PCDHGB2: variants seen among roughly 807,000 people sequenced by gnomAD.
PCDHGB2 encodes the protein protocadherin gamma-B2.
PCDHGB2 carries 55 observed loss-of-function variants against 59.3 expected under a neutral mutation model. The observed-to-expected ratio is 0.93, with a 90% CI of 0.75 to 1.16. The LOEUF is 1.16. Ranked by LOEUF, PCDHGB2 falls within the 50% of genes most tolerant of loss-of-function variation. PCDHGB2 has a pLI of 0.00. For missense variants in PCDHGB2, 1,228 were observed against 1,198.5 expected, an observed-to-expected ratio of 1.02 and a Z score of -0.36; for synonymous variants, 516 against 512.0, an observed-to-expected ratio of 1.01 and a Z score of -0.11.
chr5:141,371,814 G>C (rs1020682392), intron 1 of PCDHGB2: 4 of 1,613,892 alleles, frequency 2.5e-6, no homozygotes, highest in Middle Eastern at 1.6e-4. Context: ...CATTGCGCAT[G>C]TCAGAGCCTC....
chr5:141,430,509 G>T, intron 1 of PCDHGB2: 1 of 328,564 alleles, frequency 3.0e-6, no homozygotes. Flanking sequence ...GGGAGTTCAA[G>T]ATTGTGCAGT....
intron 2 of PCDHGB2, among the ~76,000 whole-genome samples, chr5:141,501,984 G>A (rs989251578): frequency 2.0e-5 from 3 of 152,042 alleles, no homozygotes; most frequent in African/African-American, 4.8e-5. Context: ...ATCTGGTCCC[G>A]TTGTCTCCCT....
At chr5:141,374,338 C>T in intron 1 of PCDHGB2, 1 of 1,613,994 alleles carries the variant, frequency 6.2e-7, no homozygotes, top group Non-Finnish European at 8.5e-7. Context: ...GCAGCTTGGT[C>T]ACCGCGGGTA....
At position 141,512,951 on chromosome 5, in the gene PCDHGB2, AATAAT is replaced by A. The variant is rs1231390259; in HGVS notation, c.*1780_*1784del. 2.1e-5 allele frequency: 3 copies of A among 141,994 alleles called. No homozygotes were observed. Among genetic ancestry groups the A allele is most frequent in the Non-Finnish European group, 4.8e-5 (3 of 62,372 alleles). The allele number at this position is 141,994 out of a possible 1,614,324, so 8.8% of individuals were successfully genotyped here. A position where few individuals can be genotyped will look rare whatever the true frequency, so the allele number is the denominator to read the frequency against. On this transcript the variant is annotated 3_prime_UTR_variant, in exon 4 of 4. Coordinates refer to ENST00000522605, the MANE Select transcript of PCDHGB2 (RefSeq NM_018923.3). ...TATGGCTTTTTTTCTTCGACAAAAAAATAATAAAACGTTTCTTCTGAAAAGCTGAA... is the reference window on the plus strand; with the variant it reads ...TATGGCTTTTTTTCTTCGACAAAAAAAAAACGTTTCTTCTGAAAAGCTGAA...
chr5:141,408,870 G>A (rs780987841), intron 1 of PCDHGB2: 1 of 1,613,656 alleles, frequency 6.2e-7, no homozygotes, highest in South Asian at 1.1e-5. Context: ...CCACCAAGAA[G>A]TGCCACCGCT....
chr5:141,431,397 C>A lies in PCDHGB2; in HGVS notation c.2422-63410C>A. ...AAGGCTGCTCACCACCTGGTCCTTA[C>A]GGCCTCCGACGGGGGCGACCCGGTG... On this transcript the variant is annotated intron_variant, in intron 1 of 3. Coordinates refer to ENST00000522605, the MANE Select transcript of PCDHGB2 (RefSeq NM_018923.3). The surrounding 1 kb of genome is among the most constrained non-coding windows in gnomAD (Gnocchi z 4.8). 3.1e-6 allele frequency: 5 copies of A among 1,613,782 alleles called. No individual in the cohort carries two copies. Among genetic ancestry groups the A allele is most frequent in the Non-Finnish European group, 4.2e-6 (5 of 1,180,034 alleles).
At chr5:141,484,931 A>ACGTT (rs1464416110) in intron 1 of PCDHGB2, 2 of 498,000 alleles carry the variant, frequency 4.0e-6, no homozygotes, top group Non-Finnish European at 7.2e-6. Flanking sequence ...TGCTGTTGGG[A>ACGTT]CGTTCTCTGC....
rs1258752203 is a variant in PCDHGB2, at chr5:141,431,160, G to C, written c.2422-63647G>C. On this transcript the variant is annotated intron_variant, in intron 1 of 3. Coordinates refer to ENST00000522605, the MANE Select transcript of PCDHGB2 (RefSeq NM_018923.3). The surrounding 1 kb of genome is among the most constrained non-coding windows in gnomAD (Gnocchi z 4.8). ...ATTAACGACAATGCGCCTTACTTTC[G>C]TGAAAGTGAATTAGAAATAAAAATT... is the stretch of plus-strand genomic sequence containing the variant. The C allele has an allele frequency of 6.2e-7, 1 of 1,614,198 alleles. No homozygotes were observed. Among genetic ancestry groups the C allele is most frequent in the South Asian group, 1.1e-5 (1 of 91,084 alleles).
chr5:141,372,572 C>A (rs1199574805), intron 1 of PCDHGB2: 2 of 1,613,940 alleles, frequency 1.2e-6, no homozygotes, highest in Admixed American at 1.7e-5. Context: ...CTGAGGGCTA[C>A]TTTCAGCCTG....
chr5:141,459,617 A>G (rs900986636), intron 1 of PCDHGB2, among the ~76,000 whole-genome samples: 2 of 152,258 alleles, frequency 1.3e-5, no homozygotes, highest in African/African-American at 2.4e-5. Flanking sequence ...GCTTAACTTT[A>G]TAAGAAGCTG....
At chr5:141,467,337 G>A (rs1018807977) in intron 1 of PCDHGB2, among the ~76,000 whole-genome samples, 1 of 152,162 alleles carries the variant, frequency 6.6e-6, no homozygotes, top group Admixed American at 6.6e-5. Flanking sequence ...AGAGACGTAA[G>A]CCACTGCCCC....
intron 1 of PCDHGB2, chr5:141,384,793 C>T (rs1780512284): frequency 1.9e-6 from 3 of 1,613,400 alleles, no homozygotes; most frequent in Non-Finnish European, 2.5e-6. Flanking sequence ...GGCTCGGGCC[C>T]TGCTGGACAG....
intron 1 of PCDHGB2, among the ~76,000 whole-genome samples, chr5:141,434,021 C>A (rs1023145172): frequency 2.0e-5 from 3 of 152,052 alleles, no homozygotes; most frequent in Admixed American, 2.0e-4. Context: ...TTCTATGATT[C>A]TGGAAGCATG....
intron 1 of PCDHGB2, among the ~76,000 whole-genome samples, chr5:141,447,279 A>G (rs1394174534): frequency 1.3e-5 from 2 of 152,156 alleles, no homozygotes; most frequent in African/African-American, 4.8e-5. Flanking sequence ...AGCTGGGACT[A>G]CAGGCACATG....
intron 1 of PCDHGB2, chr5:141,400,414 C>G: frequency 6.2e-7 from 1 of 1,614,058 alleles, no homozygotes; most frequent in African/African-American, 1.3e-5. Flanking sequence ...GTTTAATTTC[C>G]TAAAATGTAG....
intron 1 of PCDHGB2, chr5:141,414,780 G>A (rs2095787223): frequency 1.2e-6 from 2 of 1,614,232 alleles, no homozygotes; most frequent in Non-Finnish European, 1.7e-6. Context: ...TACAGATGCA[G>A]GTGACAGCCA....
At chr5:141,393,970 C>T (rs746781669) in intron 1 of PCDHGB2, 5 of 1,613,870 alleles carry the variant, frequency 3.1e-6, no homozygotes, top group Middle Eastern at 3.3e-4. Flanking sequence ...GTCTGTTACA[C>T]ACGTGATAAT....
chr5:141,362,273 T>G lies in PCDHGB2; in HGVS notation c.2138T>G (p.Leu713Arg), dbSNP rs1762411224. The G allele has an allele frequency of 1.2e-6, 2 of 1,613,954 alleles. No individual in the cohort carries two copies. Among genetic ancestry groups the G allele is most frequent in the Non-Finnish European group, 8.5e-7 (1 of 1,179,922 alleles). ...FFLAVILAISLRLRLSSRSDA... is the reference protein window; with the variant it reads ...FFLAVILAISRRLRLSSRSDA... Reference sequence around the variant, plus strand: ...CTCGCGGTGATTCTGGCAATCTCCCTGCGCCTGCGACTCTCTTCCAGGTCA... The same window carrying G: ...CTCGCGGTGATTCTGGCAATCTCCCGGCGCCTGCGACTCTCTTCCAGGTCA... The change falls in exon 1 of 4, where the codon CTG becomes CGG. Residue 713 changes from leucine (L) to arginine (R), a missense_variant. This residue lies in a region of PCDHGB2 where 433 missense variants were observed against 441.8 expected (regional missense o/e 0.98). Transcript: ENST00000522605.
chr5:141,361,833 G>A lies in PCDHGB2; in HGVS notation c.1698G>A (p.Ala566=), dbSNP rs376471858. ...NDNAPRVLYP[A]LGPDGSALFD... ...ATGCGCCACGGGTGCTGTACCCCGC[G>A]CTGGGGCCTGATGGCTCCGCCCTCT... is the stretch of plus-strand genomic sequence containing the variant. The change falls in exon 1 of 4, where the codon GCG becomes GCA. Residue 566 remains alanine (A), a synonymous_variant. Coordinates refer to ENST00000522605, the MANE Select transcript of PCDHGB2 (RefSeq NM_018923.3). 207 of 1,612,780 alleles carry A rather than the reference G, an allele frequency of 1.3e-4. No individual in the cohort carries two copies. The highest frequency in any genetic ancestry group is 1.7e-4 in the Non-Finnish European group (200 of 1,179,736).
Sources: allele counts gnomAD v4.1 joint callset (sites outside exome capture counted in the v4.1 genomes callset), GRCh38; gene constraint gnomAD v4.1.1; regional missense constraint gnomAD v4.1.1; non-coding constraint Gnocchi (gnomAD v3.1); transcripts MANE v1.5; gene names NCBI Gene and HGNC (gene_info 2026-07-23, HGNC 2026-07-21).